DCC: variants seen among roughly 807,000 people sequenced by gnomAD.
DCC encodes the protein DCC netrin 1 receptor, also known as netrin receptor DCC.
DCC carries 58 observed loss-of-function variants against 172.5 expected under a neutral mutation model. The ratio of observed to expected loss-of-function variants is 0.34; its 90% CI spans 0.27 to 0.42. The LOEUF (loss-of-function observed/expected upper bound fraction) is 0.42. Among genes scored for constraint, DCC ranks in the 10% least tolerant of loss-of-function variants. The pLI, the probability that DCC is intolerant of heterozygous loss-of-function variation, is 1.00. For synonymous variants in DCC, 709 were observed against 644.5 expected, an observed-to-expected ratio of 1.10 and a Z score of -1.52; for missense variants, 1,740 against 1,791.0, an observed-to-expected ratio of 0.97 and a Z score of 0.51.
At chr18:52,832,899 TC>T (rs1309292552) in intron 2 of DCC, among the ~76,000 whole-genome samples, 2 of 152,108 alleles carry the variant, frequency 1.3e-5, no homozygotes, top group Admixed American at 1.3e-4. Flanking sequence ...AGATGGCAAT[TC>T]CAGACATTAC....
chr18:52,521,600 A>G (rs1466030410), intron 1 of DCC, among the ~76,000 whole-genome samples: 1 of 152,044 alleles, frequency 6.6e-6, no homozygotes, highest in East Asian at 1.9e-4. Flanking sequence ...GGATATCAAC[A>G]TTCAGTCTAT....
At chr18:53,272,948 G>T (rs952378132) in intron 12 of DCC, among the ~76,000 whole-genome samples, 2 of 152,002 alleles carry the variant, frequency 1.3e-5, no homozygotes, top group Non-Finnish European at 2.9e-5. Context: ...CACAGATAAA[G>T]AAATATAAAT....
At chr18:52,644,797 A>AAGGAAGGAAGGAAG (rs2034982213) in intron 1 of DCC, among the ~76,000 whole-genome samples, 1 of 122,798 alleles carries the variant, frequency 8.1e-6, no homozygotes, top group Admixed American at 8.5e-5. Context: ...AGAAGGAAAG[A>AAGGAAGGAAGGAAG]AGGAAGGAAG....
At chr18:52,687,724 T>C (rs1298111930) in intron 1 of DCC, among the ~76,000 whole-genome samples, 1 of 152,120 alleles carries the variant, frequency 6.6e-6, no homozygotes, top group African/African-American at 2.4e-5. Context: ...AAGCCAAATA[T>C]TGTTACTAAA....
intron 2 of DCC, among the ~76,000 whole-genome samples, chr18:52,876,802 CT>C (rs2039409711): frequency 6.6e-6 from 1 of 151,532 alleles, no homozygotes; most frequent in South Asian, 2.1e-4. Flanking sequence ...AGATTTTTGC[CT>C]TCCATATCTC....
intron 5 of DCC, among the ~76,000 whole-genome samples, chr18:52,941,906 C>A (rs796613796): frequency 2.0e-5 from 3 of 152,168 alleles, no homozygotes; most frequent in African/African-American, 7.2e-5. Flanking sequence ...CCTCAGCCTC[C>A]CAAGTAGCTT....
intron 21 of DCC, among the ~76,000 whole-genome samples, chr18:53,431,622 C>A (rs1175568369): frequency 6.6e-6 from 1 of 151,904 alleles, no homozygotes; most frequent in Admixed American, 6.6e-5. Flanking sequence ...GTAGCTGGGA[C>A]TACAGGCATG....
intron 2 of DCC, among the ~76,000 whole-genome samples, chr18:52,757,727 A>G (rs762081393): frequency 5.3e-5 from 8 of 152,114 alleles, no homozygotes; most frequent in Non-Finnish European, 1.0e-4. Context: ...AAAACCACTG[A>G]CTTGCTTTTT....
At chr18:52,758,633 A>G (rs547640618) in intron 2 of DCC, among the ~76,000 whole-genome samples, 2 of 152,000 alleles carry the variant, frequency 1.3e-5, no homozygotes, top group Non-Finnish European at 2.9e-5. Context: ...ATTTTGTGAA[A>G]TGATAACCTG....
At chr18:53,023,357 AT>A (rs1295060120) in intron 5 of DCC, among the ~76,000 whole-genome samples, 105 of 140,766 alleles carry the variant, frequency 7.5e-4, no homozygotes, top group African/African-American at 2.4e-3. Flanking sequence ...CATAAAAAAA[AT>A]AAAAATAAAA....
intron 1 of DCC, among the ~76,000 whole-genome samples, chr18:52,499,379 G>A (rs2030934792): frequency 6.6e-6 from 1 of 152,102 alleles, no homozygotes; most frequent in Non-Finnish European, 1.5e-5. Flanking sequence ...GCTTCTCTAC[G>A]GAGGGATGAA....
chr18:52,407,677 A>G (rs528363603), intron 1 of DCC, among the ~76,000 whole-genome samples: 1 of 152,214 alleles, frequency 6.6e-6, no homozygotes, highest in South Asian at 2.1e-4. Flanking sequence ...TGCATCTTCA[A>G]TATGAAGCTT....
intron 2 of DCC, among the ~76,000 whole-genome samples, chr18:52,840,815 C>G (rs1325666600): frequency 6.6e-6 from 1 of 152,096 alleles, no homozygotes; most frequent in African/African-American, 2.4e-5. Context: ...CTGCAATGTG[C>G]CAAACACATT....
intron 2 of DCC, among the ~76,000 whole-genome samples, chr18:52,869,381 C>G (rs561330201): frequency 6.6e-5 from 10 of 152,210 alleles, no homozygotes; most frequent in Non-Finnish European, 1.0e-4. Flanking sequence ...CTGCTCTGCT[C>G]TGGTTGAGCC....
chr18:53,213,691 A>G (rs999432238), intron 11 of DCC, among the ~76,000 whole-genome samples: 14 of 148,196 alleles, frequency 9.4e-5, no homozygotes, highest in East Asian at 3.9e-4. Context: ...ACTCAATATC[A>G]CTTAATATTA....
chr18:53,157,463 G>A lies in DCC; in HGVS notation c.1369G>A (p.Gly457Arg). 6.2e-7 allele frequency: 1 copy of A among 1,614,104 alleles called. No individual in the cohort carries two copies. Among genetic ancestry groups the A allele is most frequent in the Non-Finnish European group, 8.5e-7 (1 of 1,179,996 alleles). The change falls in exon 8 of 29, where the codon GGG becomes AGG. Residue 457 changes from glycine (G) to arginine (R), a missense_variant. Gly to Arg is a moderately radical substitution (Grantham distance 125). Around this residue, in one of 2 missense-constraint regions of DCC, gnomAD observed 1,732 missense variants for 1,767.4 expected, o/e 0.98. Transcript: ENST00000442544. ...LSWRPPAEAK[G>R]NIQTFTVFFS... is the part of the protein sequence containing the mutation. ...CTGGCGCCCACCTGCAGAAGCGAAA[G>A]GGAACATTCAAACTTTCACGGTCTT... is the stretch of plus-strand genomic sequence containing the variant.
At chr18:52,515,959 T>C in intron 1 of DCC, among the ~76,000 whole-genome samples, 1 of 106,588 alleles carries the variant, frequency 9.4e-6, no homozygotes. Context: ...ATGGGCAAAA[T>C]AAATTAAGAG....
At chr18:52,442,329 T>C (rs1364078709) in intron 1 of DCC, among the ~76,000 whole-genome samples, 1 of 152,214 alleles carries the variant, frequency 6.6e-6, no homozygotes, top group Non-Finnish European at 1.5e-5. Context: ...TGATTATTAA[T>C]GAAAGGTAGA....
At chr18:52,820,310 G>C (rs1030104923) in intron 2 of DCC, among the ~76,000 whole-genome samples, 2 of 152,068 alleles carry the variant, frequency 1.3e-5, no homozygotes, top group Non-Finnish European at 1.5e-5. Flanking sequence ...AAGAAAAAAC[G>C]ATGAAAATGT....
Sources: allele counts gnomAD v4.1 joint callset (sites outside exome capture counted in the v4.1 genomes callset), GRCh38; gene constraint gnomAD v4.1.1; regional missense constraint gnomAD v4.1.1; transcripts MANE v1.5; gene names NCBI Gene and HGNC (gene_info 2026-07-23, HGNC 2026-07-21).